Variants in FARP2 observed in about 807,000 individuals in gnomAD.
FARP2 encodes FERM, ARHGEF and pleckstrin domain-containing protein 2.
In FARP2, 111 loss-of-function variants were observed where a neutral mutation model predicts 130.5. That is an observed-to-expected ratio of 0.85 (90% CI 0.73 to 1.00). FARP2 has a LOEUF of 1.00. FARP2 is among the 50% of genes least tolerant of loss of function. FARP2 has a pLI of 0.00. For missense variants in FARP2, 1,385 were observed against 1,346.3 expected (o/e 1.03, Z -0.45); for synonymous variants, 504 against 516.9 (o/e 0.98, Z 0.34).
rs1022668938 is a variant in FARP2 at position 241,369,640 on chromosome 2, A to G, written c.-24-3444A>G. ...TAAAGCTATACTTAAGAAAACATAA[A>G]TGAGAATTATACAGTAGAATAAATA... is the stretch of plus-strand genomic sequence containing the variant. On this transcript the variant is annotated intron_variant, in intron 1 of 26. Transcript: ENST00000264042. 2.6e-5 allele frequency among the ~76,000 whole-genome samples: 4 copies of G among 152,254 alleles called. No individual in the cohort carries two copies. In the South Asian group the frequency reaches 6.2e-4, roughly 24 times the overall value.
rs777536130 is a variant in FARP2 at position 241,459,151 on chromosome 2, A to T, written c.1587+2229A>T. ...ACAGGTGGGCTCCGAGATGGCAAGG[A>T]TGGCCCTTTCATCACCATGCAGGGG... On this transcript the variant is annotated intron_variant, in intron 14 of 26. Transcript: ENST00000264042. The surrounding 1 kb of genome is among the most constrained non-coding windows in gnomAD (Gnocchi z 5.3). Among the ~76,000 whole-genome samples, 2 of 152,184 alleles carry T rather than the reference A, an allele frequency of 1.3e-5. No individual in the cohort carries two copies. Among genetic ancestry groups the T allele is most frequent in the African/African-American group, 4.8e-5 (2 of 41,434 alleles).
intron 8 of FARP2, among the ~76,000 whole-genome samples, chr2:241,420,231 CAAGG>C (rs747002528): frequency 5.9e-5 from 9 of 152,312 alleles, no homozygotes; most frequent in Non-Finnish European, 1.2e-4. Flanking sequence ...ACTGTACAAA[CAAGG>C]AAGCAGCTCT....
At chr2:241,439,339 CT>C (rs1366913883) in intron 12 of FARP2, among the ~76,000 whole-genome samples, 1 of 150,718 alleles carries the variant, frequency 6.6e-6, no homozygotes, top group Non-Finnish European at 1.5e-5. Flanking sequence ...ATTTTTTTTT[CT>C]TTTTTTTGAG....
At chr2:241,426,639 G>A in intron 8 of FARP2, among the ~76,000 whole-genome samples, 1 of 152,208 alleles carries the variant, frequency 6.6e-6, no homozygotes, top group East Asian at 1.9e-4. Context: ...CTGAGGAAGA[G>A]GACTTGATGT....
At chr2:241,492,392 C>A (rs915043585) in intron 24 of FARP2, among the ~76,000 whole-genome samples, 1 of 152,168 alleles carries the variant, frequency 6.6e-6, no homozygotes, top group East Asian at 1.9e-4. Flanking sequence ...TAGCTAGGCC[C>A]GCTCCGCCAT....
chr2:241,378,006 G>T (rs2061576902), intron 2 of FARP2, among the ~76,000 whole-genome samples: 1 of 152,120 alleles, frequency 6.6e-6, no homozygotes, highest in Admixed American at 6.5e-5. Context: ...CCACATATTT[G>T]CCAACACTTA....
rs1242141517 is a variant in FARP2 at position 241,385,980 on chromosome 2, T to C, written c.183+12690T>C. ...CCTCCTGTAATTTTTATTTTATGAA[T>C]GTCAACACTATGGTTATTTGTCCAA... On this transcript the variant is annotated intron_variant, in intron 2 of 26. Transcript: ENST00000264042. 2.0e-5 allele frequency among the ~76,000 whole-genome samples: 3 copies of C among 152,360 alleles called. No homozygotes were observed. The South Asian group carries it at 6.2e-4, about 32-fold the overall frequency.
intron 19 of FARP2, among the ~76,000 whole-genome samples, chr2:241,479,156 C>G (rs1014489978): frequency 2.0e-5 from 3 of 152,162 alleles, no homozygotes; most frequent in Admixed American, 6.5e-5. Context: ...TGGTGAGAGA[C>G]AGGTCCAGCT....
intron 13 of FARP2, among the ~76,000 whole-genome samples, chr2:241,455,442 A>G (rs1404683696): frequency 1.3e-5 from 2 of 152,166 alleles, no homozygotes; most frequent in East Asian, 1.9e-4. Flanking sequence ...GGGCAATGGT[A>G]CAACCTCAGC....
chr2:241,428,807 C>G (rs949911760), intron 8 of FARP2, among the ~76,000 whole-genome samples: 4 of 152,112 alleles, frequency 2.6e-5, no homozygotes, highest in Admixed American at 6.6e-5. Flanking sequence ...TCCGCCAGCC[C>G]CCAGCAACCA....
chr2:241,466,471 C>T, intron 17 of FARP2: 1 of 985,462 alleles, frequency 1.0e-6, no homozygotes, highest in Non-Finnish European at 1.2e-6. Flanking sequence ...CCAGCAGACT[C>T]CTCAGCCAAC....
In FARP2 at chr2:241,475,808, T is replaced by C. The variant is rs2064441503; in HGVS notation, c.2132-49T>C. 6.6e-7 allele frequency: 1 copy of C among 1,511,336 alleles called. No individual in the cohort carries two copies. Among genetic ancestry groups the C allele is most frequent in the African/African-American group, 1.4e-5 (1 of 71,004 alleles). 93.6% of individuals were successfully genotyped at this position (1,511,336 alleles called of 1,614,324 possible). A position where few individuals can be genotyped will look rare whatever the true frequency, so the allele number is the denominator to read the frequency against. On this transcript the variant is annotated intron_variant, in intron 18 of 26. Coordinates refer to ENST00000264042, the MANE Select transcript of FARP2 (RefSeq NM_014808.4). The surrounding 1 kb of genome is among the most constrained non-coding windows in gnomAD (Gnocchi z 4.4). Reference sequence around the variant, plus strand: ...TCACAAGGTGGTGGGTGGAGGGTGCTGTGCACACCACTGCCTGTACACCTG... The same window carrying C: ...TCACAAGGTGGTGGGTGGAGGGTGCCGTGCACACCACTGCCTGTACACCTG...
chr2:241,468,215 T>G lies in FARP2; in HGVS notation c.1969T>G (p.Leu657Val). 1 of 1,614,128 alleles carries G rather than the reference T, an allele frequency of 6.2e-7. No homozygotes were observed. Among genetic ancestry groups the G allele is most frequent in the South Asian group, 1.1e-5 (1 of 91,090 alleles). The change falls in exon 18 of 27, where the codon TTG becomes GTG. Residue 657 changes from leucine (L) to valine (V), a missense_variant. Transcript: ENST00000264042. ...LEKATKRCKK[L>V]EAVYKEFELQ... ...AAAGGCTACCAAACGCTGTAAGAAG[T>G]TGGAGGCAGTGTACAAGGAGTTTGA...
rs775744956 is a variant in FARP2, at chr2:241,489,957, C to T, written c.2422-5C>T. The T allele has an allele frequency of 6.3e-7, 1 of 1,598,602 alleles. No individual in the cohort carries two copies. The highest frequency in any genetic ancestry group is 8.6e-7 in the Non-Finnish European group (1 of 1,165,810). ...CAAGACTTGGACCGTTTCTCCCACC[C>T]ACAGGTGGAAGAAAGTGATAACGAG... On this transcript the variant is annotated splice_region_variant and splice_polypyrimidine_tract_variant and intron_variant, in intron 21 of 26. Transcript: ENST00000264042.
chr2:241,358,732 C>G (rs1466849640), intron 1 of FARP2, among the ~76,000 whole-genome samples: 1 of 152,138 alleles, frequency 6.6e-6, no homozygotes, highest in Non-Finnish European at 1.5e-5. Flanking sequence ...GAGGTAATTC[C>G]GGTCATGTTC....
In FARP2 at chr2:241,468,382, G is replaced by C; in HGVS notation, c.2131+5G>C. The C allele has an allele frequency of 6.2e-7, 1 of 1,603,598 alleles. No homozygotes were observed. Among genetic ancestry groups the C allele is most frequent in the African/African-American group, 1.3e-5 (1 of 74,886 alleles). On this transcript the variant is annotated splice_donor_5th_base_variant and intron_variant, in intron 18 of 26. Coordinates refer to ENST00000264042, the MANE Select transcript of FARP2 (RefSeq NM_014808.4). The stretch of plus-strand genomic sequence containing the variant: ...ATGACTACGCTGACTGCCATGGTGA[G>C]TGTGGGTGCGGCCCTGCATCTCAAG...
intron 17 of FARP2, among the ~76,000 whole-genome samples, chr2:241,466,913 T>C (rs1016776265): frequency 1.3e-5 from 2 of 151,776 alleles, no homozygotes; most frequent in African/African-American, 4.8e-5. Flanking sequence ...GGTTTCCGAC[T>C]CAGGCTCCAG....
intron 14 of FARP2, among the ~76,000 whole-genome samples, 169 bp from the exon 15 acceptor site, chr2:241,462,354 G>T (rs191058327): frequency 6.6e-6 from 1 of 152,314 alleles, no homozygotes; most frequent in Admixed American, 6.5e-5. Flanking sequence ...AAGAATAACA[G>T]GATTATGTTT....
At chr2:241,359,785 C>T (rs911516358) in intron 1 of FARP2, among the ~76,000 whole-genome samples, 2 of 152,212 alleles carry the variant, frequency 1.3e-5, no homozygotes, top group South Asian at 2.1e-4. Flanking sequence ...GTTGAGGCCG[C>T]TTGTGGAGCT....
Sources: allele counts gnomAD v4.1 joint callset (sites outside exome capture counted in the v4.1 genomes callset), GRCh38; gene constraint gnomAD v4.1.1; non-coding constraint Gnocchi (gnomAD v3.1); transcripts MANE v1.5; gene names NCBI Gene and HGNC (gene_info 2026-07-23, HGNC 2026-07-21).